The following SCMH1 variants were observed in gnomAD, a reference collection of about 807,000 sequenced individuals.
SCMH1 encodes Scm polycomb group protein homolog 1.
A neutral mutation model predicts 70.8 loss-of-function variants in SCMH1; 37 were observed. The observed-to-expected ratio is 0.52, with a 90% CI of 0.40 to 0.69. The LOEUF (loss-of-function observed/expected upper bound fraction) is 0.69, where lower values mean the gene tolerates loss of function less well. SCMH1 is among the 30% of genes least tolerant of loss of function. SCMH1 has a pLI of 0.00. For synonymous variants in SCMH1, 292 were observed against 307.4 expected, an observed-to-expected ratio of 0.95 and a Z score of 0.52; for missense variants, 607 against 827.3, an observed-to-expected ratio of 0.73 and a Z score of 3.27.
Position 41,200,497 on chromosome 1 carries a change from G to GTAA in SCMH1, c.-117-14250_-117-14248dup, listed in dbSNP as rs144049265. ...GTCTCAAAAAAATATATAAATAAAT[G>GTAA]TAATAATAATAATAATAATATAATA... On this transcript the variant is annotated intron_variant, in intron 1 of 14. Coordinates refer to ENST00000337495, the Ensembl canonical transcript of SCMH1. Among the ~76,000 whole-genome samples the GTAA allele has an allele frequency of 1.3e-3, 194 of 146,264 alleles. 2 individuals are homozygous for GTAA. The East Asian group carries it at 0.02, about 15-fold the overall frequency.
intron 1 of SCMH1, among the ~76,000 whole-genome samples, chr1:41,194,907 C>A (rs1037635985): frequency 1.3e-5 from 2 of 151,738 alleles, no homozygotes; most frequent in Non-Finnish European, 2.9e-5. Flanking sequence ...TTTGGGAGGC[C>A]GAGGTGGGTG....
chr1:41,139,630 C>T (rs1275539652), intron 6 of SCMH1, among the ~76,000 whole-genome samples: 1 of 152,048 alleles, frequency 6.6e-6, no homozygotes, highest in Non-Finnish European at 1.5e-5. Flanking sequence ...AAGAGCATCT[C>T]CATGTTACTG....
At chr1:41,141,108 CTAAA>C (rs1254374105) in intron 6 of SCMH1, among the ~76,000 whole-genome samples, 67 of 152,154 alleles carry the variant, frequency 4.4e-4, no homozygotes, top group Non-Finnish European at 1.5e-4. Context: ...CTCAAAATAA[CTAAA>C]TAGTTGATGA....
chr1:41,075,480 C>T, intron 8 of SCMH1, 29 bp from the exon 9 acceptor site: 1 of 1,565,158 alleles, frequency 6.4e-7, no homozygotes, highest in South Asian at 1.1e-5. Context: ...TTCTATCACC[C>T]TCCCTCCCCC....
chr1:41,095,219 C>A (rs1278942923), intron 8 of SCMH1, among the ~76,000 whole-genome samples: 1 of 152,208 alleles, frequency 6.6e-6, no homozygotes, highest in Non-Finnish European at 1.5e-5. Flanking sequence ...GTAACCCATA[C>A]TCTAGCATTT....
intron 8 of SCMH1, among the ~76,000 whole-genome samples, chr1:41,085,063 A>C (rs1048337647): frequency 2.6e-5 from 4 of 151,732 alleles, no homozygotes; most frequent in Non-Finnish European, 1.5e-5. Flanking sequence ...CCAGCATGGC[A>C]CATGTATACA....
At chr1:41,232,247 A>T (rs1661447327) in intron 1 of SCMH1, among the ~76,000 whole-genome samples, 1 of 152,142 alleles carries the variant, frequency 6.6e-6, no homozygotes, top group Non-Finnish European at 1.5e-5. Context: ...ACTGCAAACC[A>T]AAGGTTGAAG....
At chr1:41,183,239 A>G (rs912755663) in intron 2 of SCMH1, among the ~76,000 whole-genome samples, 3 of 152,158 alleles carry the variant, frequency 2.0e-5, no homozygotes, top group African/African-American at 7.2e-5. Context: ...TCTCACGTTG[A>G]CCAATAAAAA....
chr1:41,030,348 G>A (rs536225471), intron 13 of SCMH1, among the ~76,000 whole-genome samples: 11 of 152,226 alleles, frequency 7.2e-5, no homozygotes, highest in Non-Finnish European at 1.5e-4. Context: ...CATCTATGAG[G>A]TACTCCATCA....
At chr1:41,185,026 T>G (rs1649794450) in intron 2 of SCMH1, among the ~76,000 whole-genome samples, 1 of 152,218 alleles carries the variant, frequency 6.6e-6, no homozygotes, top group East Asian at 1.9e-4. Context: ...AATGAATCAA[T>G]GAATGCAATA....
rs182872319 is a variant in SCMH1, at chr1:41,078,058, T to G, written c.746-2607A>C. Among the ~76,000 whole-genome samples, 7 of 151,850 alleles carry G rather than the reference T, an allele frequency of 4.6e-5. No homozygotes were observed. In the East Asian group the frequency reaches 1.2e-3, roughly 25 times the overall value. ...AAGGTAGATAGTACCCACAGAAATATCTATATAAAAAACTAAATGGACATC... is the reference window on the plus strand; with the variant it reads ...AAGGTAGATAGTACCCACAGAAATAGCTATATAAAAAACTAAATGGACATC... On this transcript the variant is annotated intron_variant, in intron 8 of 14. Coordinates refer to ENST00000337495, the Ensembl canonical transcript of SCMH1.
intron 12 of SCMH1, among the ~76,000 whole-genome samples, chr1:41,042,112 C>G (rs1646255779): frequency 6.6e-6 from 1 of 152,026 alleles, no homozygotes; most frequent in Non-Finnish European, 1.5e-5. Flanking sequence ...TTTCACCATA[C>G]TCCTGGCTCA....
At chr1:41,222,995 T>TCTA (rs908278759) in intron 1 of SCMH1, among the ~76,000 whole-genome samples, 1 of 152,186 alleles carries the variant, frequency 6.6e-6, no homozygotes, top group Non-Finnish European at 1.5e-5. Context: ...GTCTGATTCC[T>TCTA]CTACTAGATT....
intron 2 of SCMH1, among the ~76,000 whole-genome samples, chr1:41,178,032 C>G (rs928719971): frequency 5.9e-5 from 9 of 152,348 alleles, no homozygotes; most frequent in Admixed American, 3.3e-4. Context: ...AGACTAACAG[C>G]TGTTCTCTCG....
chr1:41,088,228 A>G (rs1250949958), intron 8 of SCMH1, among the ~76,000 whole-genome samples: 1 of 152,136 alleles, frequency 6.6e-6, no homozygotes, highest in Admixed American at 6.5e-5. Context: ...GTAAAATGAA[A>G]CATTGGAGGA....
chr1:41,027,295 G>A (rs918080391), exon 15 of SCMH1: 2 of 152,254 alleles, frequency 1.3e-5, no homozygotes, highest in Non-Finnish European at 2.9e-5. Context: ...TTACAAGGAA[G>A]CCTGTGGACA....
chr1:41,029,817 G>A (rs1237772806), intron 13 of SCMH1, among the ~76,000 whole-genome samples: 1 of 152,196 alleles, frequency 6.6e-6, no homozygotes, highest in Non-Finnish European at 1.5e-5. Context: ...GTCTCACAAA[G>A]TATTTAGTAT....
chr1:41,189,887 G>A (rs1440589620), intron 1 of SCMH1, among the ~76,000 whole-genome samples: 1 of 152,224 alleles, frequency 6.6e-6, no homozygotes, highest in African/African-American at 2.4e-5. Context: ...TTGCAGAGGT[G>A]TGAGGCAGAG....
intron 8 of SCMH1, among the ~76,000 whole-genome samples, chr1:41,076,093 T>G (rs1658204913): frequency 6.6e-6 from 1 of 152,188 alleles, no homozygotes; most frequent in Admixed American, 6.5e-5. Context: ...AGGACTTTTT[T>G]GACTCTGCCC....
Sources: allele counts gnomAD v4.1 joint callset (sites outside exome capture counted in the v4.1 genomes callset), GRCh38; gene constraint gnomAD v4.1.1; transcripts MANE v1.5; gene names NCBI Gene and HGNC (gene_info 2026-07-23, HGNC 2026-07-21).